Variants in SLC35F4 observed in about 807,000 individuals in gnomAD.
SLC35F4 encodes chromosome 14 open reading frame 36.
In SLC35F4, 24 loss-of-function variants were observed where a neutral mutation model predicts 44.2. The observed-to-expected ratio is 0.54, with a 90% CI of 0.39 to 0.76. The LOEUF (loss-of-function observed/expected upper bound fraction) is 0.76. SLC35F4 is among the 30% of genes least tolerant of loss of function. The pLI, the probability that SLC35F4 is intolerant of heterozygous loss-of-function variation, is 0.00. For synonymous variants in SLC35F4, 238 were observed against 223.6 expected (o/e 1.06, Z -0.57); for missense variants, 562 against 586.1 (o/e 0.96, Z 0.42).
chr14:57,640,876 T>A (rs1184692032), intron 1 of SLC35F4, among the ~76,000 whole-genome samples: 1 of 152,018 alleles, frequency 6.6e-6, no homozygotes, highest in Non-Finnish European at 1.5e-5. Flanking sequence ...AAAATAGAAC[T>A]CATATAGATC....
intron 6 of SLC35F4, 43 bp downstream of exon 6, chr14:57,569,745 A>G (rs1359300878): frequency 6.7e-7 from 1 of 1,502,670 alleles, no homozygotes; most frequent in Non-Finnish European, 8.9e-7. Flanking sequence ...AGCCAAAGAA[A>G]GATTGATATA....
intron 1 of SLC35F4, among the ~76,000 whole-genome samples, chr14:57,764,080 C>G (rs1259165567): frequency 1.3e-5 from 2 of 152,100 alleles, no homozygotes; most frequent in African/African-American, 4.8e-5. Flanking sequence ...AGCCAAGAGC[C>G]AACATCAACT....
chr14:57,686,582 G>A (rs1301500778), intron 1 of SLC35F4, among the ~76,000 whole-genome samples: 5 of 152,088 alleles, frequency 3.3e-5, no homozygotes, highest in African/African-American at 7.2e-5. Context: ...GACTGCAGGC[G>A]GGCAAGCATG....
intron 1 of SLC35F4, among the ~76,000 whole-genome samples, chr14:57,876,184 A>G (rs1243340984): frequency 1.3e-5 from 2 of 152,206 alleles, no homozygotes; most frequent in African/African-American, 2.4e-5. Flanking sequence ...AATCAGACAT[A>G]GAACAAAGCA....
intron 1 of SLC35F4, among the ~76,000 whole-genome samples, chr14:57,631,974 C>T (rs1167888817): frequency 1.3e-5 from 2 of 152,078 alleles, no homozygotes; most frequent in African/African-American, 4.8e-5. Context: ...GTAATCTAGG[C>T]TTTGCCTACA....
In SLC35F4 at chr14:57,563,986, T is replaced by C. The variant is rs773915415; in HGVS notation, c.*149A>G. 20 of 817,122 alleles carry C rather than the reference T, an allele frequency of 2.4e-5. No individual in the cohort carries two copies. Among genetic ancestry groups the C allele is most frequent in the Non-Finnish European group, 3.3e-5 (18 of 539,474 alleles). 50.6% of individuals were successfully genotyped at this position (817,122 alleles called of 1,614,324 possible). Reference sequence around the variant, plus strand: ...ATTTACACCAATTCCTTGATAAGCATATAAATGTAAACTTTTATTGTTGGC... The same window carrying C: ...ATTTACACCAATTCCTTGATAAGCACATAAATGTAAACTTTTATTGTTGGC... On this transcript the variant is annotated 3_prime_UTR_variant, in exon 8 of 8. Coordinates refer to ENST00000556826, the MANE Select transcript of SLC35F4 (RefSeq NM_001306087.2).
At chr14:57,689,505 A>G (rs1371798762) in intron 1 of SLC35F4, among the ~76,000 whole-genome samples, 2 of 152,158 alleles carry the variant, frequency 1.3e-5, no homozygotes, top group African/African-American at 2.4e-5. Flanking sequence ...TCCCGGTCTC[A>G]CTGTCCACCA....
chr14:57,708,611 G>C (rs2075736791), intron 1 of SLC35F4, among the ~76,000 whole-genome samples: 1 of 152,156 alleles, frequency 6.6e-6, no homozygotes, highest in African/African-American at 2.4e-5. Flanking sequence ...AACTTGTAGG[G>C]TACAGCCCCA....
At chr14:57,636,708 G>T (rs564085715) in intron 1 of SLC35F4, among the ~76,000 whole-genome samples, 1 of 152,032 alleles carries the variant, frequency 6.6e-6, no homozygotes, top group South Asian at 2.1e-4. Context: ...GATATTTTTG[G>T]TGGGTTTACC....
At chr14:57,923,022 C>T (rs1239053796) in intron 1 of SLC35F4, among the ~76,000 whole-genome samples, 6 of 152,156 alleles carry the variant, frequency 3.9e-5, no homozygotes, top group African/African-American at 1.4e-4. Flanking sequence ...CTCACTTCAT[C>T]CCTATGAGCT....
intron 1 of SLC35F4, among the ~76,000 whole-genome samples, chr14:57,608,646 A>G (rs867037378): frequency 5.7e-4 from 87 of 152,236 alleles, no homozygotes; most frequent in African/African-American, 2.1e-3. Flanking sequence ...AGCCCTAGCA[A>G]ACTCATACAG....
At chr14:57,678,618 G>A (rs2074780615) in intron 1 of SLC35F4, among the ~76,000 whole-genome samples, 1 of 151,730 alleles carries the variant, frequency 6.6e-6, no homozygotes, top group African/African-American at 2.4e-5. Context: ...CTGTATTCAG[G>A]AGACCCATCG....
intron 1 of SLC35F4, among the ~76,000 whole-genome samples, chr14:57,638,414 G>A (rs1179584960): frequency 6.6e-6 from 1 of 152,072 alleles, no homozygotes; most frequent in Admixed American, 6.6e-5. Context: ...ATGTATGTTT[G>A]TTCAGCACAC....
rs566395466 is a variant in SLC35F4, at chr14:57,936,048, C to T, written n.282+45865G>A. The stretch of plus-strand genomic sequence containing the variant: ...TTACTGCTTCTCTGAATTACAGACA[C>T]GCTGAATACAGACCTCAATTTAAGC... On this transcript the variant is annotated intron_variant and non_coding_transcript_variant, in intron 1 of 1. Coordinates refer to the SLC35F4 transcript ENST00000556568. 3.3e-5 allele frequency among the ~76,000 whole-genome samples: 5 copies of T among 152,270 alleles called. No homozygotes were observed. In the South Asian group the frequency reaches 6.2e-4, roughly 19 times the overall value.
intron 1 of SLC35F4, among the ~76,000 whole-genome samples, chr14:57,841,294 T>C (rs893017876): frequency 6.6e-6 from 1 of 152,122 alleles, no homozygotes; most frequent in South Asian, 2.1e-4. Context: ...TAGTAGGTAG[T>C]AGAGACCAGG....
At chr14:57,652,485 T>C (rs2073819105) in intron 1 of SLC35F4, among the ~76,000 whole-genome samples, 1 of 152,170 alleles carries the variant, frequency 6.6e-6, no homozygotes, top group East Asian at 1.9e-4. Context: ...GAACGAGGGA[T>C]GATCAGTGTC....
intron 1 of SLC35F4, among the ~76,000 whole-genome samples, chr14:57,615,192 G>A (rs2071738754): frequency 1.3e-5 from 2 of 152,100 alleles, no homozygotes. Context: ...TCTTTCCTAA[G>A]CATCGCCATG....
intron 1 of SLC35F4, among the ~76,000 whole-genome samples, chr14:57,938,080 T>C (rs568811493): frequency 1.3e-5 from 2 of 152,218 alleles, no homozygotes; most frequent in South Asian, 4.1e-4. Context: ...AGCAAGAATA[T>C]AGAAGATTGC....
chr14:57,915,273 T>C, intron 1 of SLC35F4, among the ~76,000 whole-genome samples: 1 of 152,158 alleles, frequency 6.6e-6, no homozygotes, highest in Non-Finnish European at 1.5e-5. Flanking sequence ...AGGGGCACTC[T>C]CGAAGATCTT....
Sources: allele counts gnomAD v4.1 joint callset (sites outside exome capture counted in the v4.1 genomes callset), GRCh38; gene constraint gnomAD v4.1.1; transcripts MANE v1.5; gene names NCBI Gene and HGNC (gene_info 2026-07-23, HGNC 2026-07-21).